The following SLC36A4 variants were observed in gnomAD, a reference collection of about 807,000 sequenced individuals.
SLC36A4 encodes the protein neutral amino acid uniporter 4.
A neutral mutation model predicts 50.5 loss-of-function variants in SLC36A4; 49 were observed. That is an observed-to-expected ratio of 0.97 (90% CI 0.77 to 1.23). The LOEUF (loss-of-function observed/expected upper bound fraction) is 1.23, where lower values mean the gene tolerates loss of function less well. Among genes scored for constraint, SLC36A4 ranks in the 50% most tolerant of loss-of-function variants. SLC36A4 has a pLI of 0.00. For synonymous variants in SLC36A4, 207 were observed against 206.5 expected (o/e 1.00, Z -0.02); for missense variants, 611 against 608.4 (o/e 1.00, Z -0.05).
At chr11:93,153,852 C>T (rs894466592) in intron 10 of SLC36A4, 5 of 196,016 alleles carry the variant, frequency 2.6e-5, no homozygotes, top group South Asian at 3.6e-4. Flanking sequence ...ATTTTAATCA[C>T]CAGTAATGTA....
Position 93,154,295 on chromosome 11 carries a change from C to T in SLC36A4, c.1038-18G>A, listed in dbSNP as rs1385810842. The T allele has an allele frequency of 3.9e-6, 5 of 1,273,838 alleles. No homozygotes were observed. Among genetic ancestry groups the T allele is most frequent in the Admixed American group, 5.8e-5 (2 of 34,296 alleles). The allele number at this position is 1,273,838 out of a possible 1,614,324, so 78.9% of individuals were successfully genotyped here. On this transcript the variant is annotated intron_variant, in intron 9 of 10. Transcript: ENST00000326402. ...GATATAACCTGTTGAAAAAAATTTTCAAAATTTAGTCATTTTTAATGTGAA... is the reference window on the plus strand; with the variant it reads ...GATATAACCTGTTGAAAAAAATTTTTAAAATTTAGTCATTTTTAATGTGAA...
chr11:93,191,738 A>G (rs913397672), intron 1 of SLC36A4, among the ~76,000 whole-genome samples: 13 of 152,198 alleles, frequency 8.5e-5, no homozygotes, highest in African/African-American at 2.7e-4. Flanking sequence ...AAAGGATGTC[A>G]AAGACTATGA....
At chr11:93,194,722 C>G (rs1037806950) in intron 1 of SLC36A4, among the ~76,000 whole-genome samples, 19 of 152,168 alleles carry the variant, frequency 1.2e-4, no homozygotes, top group Non-Finnish European at 2.6e-4. Context: ...CACACACATA[C>G]ACACAAACAA....
chr11:93,157,169 C>A (rs567296436), intron 9 of SLC36A4, among the ~76,000 whole-genome samples: 2 of 152,000 alleles, frequency 1.3e-5, no homozygotes, highest in Non-Finnish European at 2.9e-5. Flanking sequence ...TGTGGCCTTA[C>A]TTCTGGGCTC....
Position 93,188,588 on chromosome 11 carries a change from C to T in SLC36A4, c.56-2774G>A, listed in dbSNP as rs1862086593. 2.6e-5 allele frequency among the ~76,000 whole-genome samples: 4 copies of T among 152,106 alleles called. No homozygotes were observed. The South Asian group carries it at 8.3e-4, about 31-fold the overall frequency. ...GTAGGATTTCCTTGTTTCTTGTTTT[C>T]CAGTTTCAAAGGTGGCACGGTCTAG... On this transcript the variant is annotated intron_variant, in intron 1 of 10. Coordinates refer to ENST00000326402, the MANE Select transcript of SLC36A4 (RefSeq NM_152313.4).
intron 1 of SLC36A4, among the ~76,000 whole-genome samples, chr11:93,195,888 C>T (rs1038664264): frequency 1.3e-5 from 2 of 152,114 alleles, no homozygotes; most frequent in African/African-American, 4.8e-5. Flanking sequence ...ACTGCCTAGC[C>T]CCCACCCTCA....
intron 3 of SLC36A4, 133 bp from the exon 4 acceptor site, chr11:93,183,027 G>A: frequency 1.7e-6 from 1 of 604,266 alleles, no homozygotes; most frequent in East Asian, 3.0e-5. Flanking sequence ...CATTGCATAA[G>A]GGAAAACTAA....
At chr11:93,181,138 G>A (rs1861714410) in intron 5 of SLC36A4, among the ~76,000 whole-genome samples, 1 of 151,980 alleles carries the variant, frequency 6.6e-6, no homozygotes, top group South Asian at 2.1e-4. Flanking sequence ...ACAACAGGTA[G>A]CACTTTGCTG....
At position 93,145,556 on chromosome 11, in the gene SLC36A4, G is replaced by A. The variant is rs1352245626; in HGVS notation, c.*2981C>T. 1 of 152,102 alleles carries A rather than the reference G, an allele frequency of 6.6e-6. No homozygotes were observed. Among genetic ancestry groups the A allele is most frequent in the South Asian group, 2.1e-4 (1 of 4,832 alleles). The allele number at this position is 152,102 out of a possible 1,614,324, so 9.4% of individuals were successfully genotyped here. On this transcript the variant is annotated 3_prime_UTR_variant, in exon 11 of 11. Transcript: ENST00000326402. ...ACTCTGATACTGATGAAACTCTTGG[G>A]TGTAAGGGAACAGTGATTAACTGAC...
intron 8 of SLC36A4, among the ~76,000 whole-genome samples, chr11:93,164,763 T>C (rs1860787712): frequency 6.6e-6 from 1 of 152,184 alleles, no homozygotes; most frequent in African/African-American, 2.4e-5. Context: ...GTCTCCTTTA[T>C]GGAATGAATT....
At chr11:93,160,303 C>T (rs1370052116) in intron 9 of SLC36A4, 1 of 985,310 alleles carries the variant, frequency 1.0e-6, no homozygotes, top group African/African-American at 1.7e-5. Flanking sequence ...AAATATGTGT[C>T]TTGACTGGCT....
intron 1 of SLC36A4, among the ~76,000 whole-genome samples, chr11:93,192,547 C>CT (rs1013435905): frequency 2.0e-5 from 3 of 151,856 alleles, no homozygotes; most frequent in African/African-American, 7.3e-5. Context: ...TTTGTAGTAA[C>CT]TTTTTTACAA....
chr11:93,166,043 C>A lies in SLC36A4; in HGVS notation c.769-27G>T, dbSNP rs779845615. On this transcript the variant is annotated intron_variant, in intron 7 of 10. Coordinates refer to ENST00000326402, the MANE Select transcript of SLC36A4 (RefSeq NM_152313.4). The stretch of plus-strand genomic sequence containing the variant: ...TAAAGAAAGGAAGAAAAAAAGAAGA[C>A]CAGTTACATCTTTACTTATTCTAAA... 1.4e-5 allele frequency: 21 copies of A among 1,509,478 alleles called. No individual in the cohort carries two copies. The African/African-American group carries it at 2.5e-4, about 18-fold the overall frequency. The allele number at this position is 1,509,478 out of a possible 1,614,324, so 93.5% of individuals were successfully genotyped here.
intron 7 of SLC36A4, 37 bp from the exon 8 acceptor site, chr11:93,166,053 C>G: frequency 6.8e-7 from 1 of 1,476,576 alleles, no homozygotes; most frequent in African/African-American, 1.4e-5. Flanking sequence ...CCAGTTACAT[C>G]TTTACTTATT....
chr11:93,189,119 A>G (rs1157405026), intron 1 of SLC36A4, among the ~76,000 whole-genome samples: 1 of 151,350 alleles, frequency 6.6e-6, no homozygotes, highest in Non-Finnish European at 1.5e-5. Flanking sequence ...CTGGAGTACA[A>G]TGGTGCGATC....
At chr11:93,181,237 C>T (rs1342949406) in intron 5 of SLC36A4, among the ~76,000 whole-genome samples, 1 of 151,974 alleles carries the variant, frequency 6.6e-6, no homozygotes, top group Non-Finnish European at 1.5e-5. Context: ...ATTTAAGTAA[C>T]AAGACAATAA....
At chr11:93,169,102 C>A (rs752453522) in intron 6 of SLC36A4, among the ~76,000 whole-genome samples, 1 of 152,020 alleles carries the variant, frequency 6.6e-6, no homozygotes, top group Non-Finnish European at 1.5e-5. Context: ...TCTCTGGATA[C>A]ACACACTCTA....
chr11:93,189,009 A>G (rs983371564), intron 1 of SLC36A4, among the ~76,000 whole-genome samples: 5 of 151,546 alleles, frequency 3.3e-5, no homozygotes, highest in Admixed American at 1.3e-4. Flanking sequence ...TCCCCTTTTT[A>G]TAAGGACACC....
intron 1 of SLC36A4, among the ~76,000 whole-genome samples, chr11:93,187,393 T>C (rs950457564): frequency 6.6e-6 from 1 of 152,210 alleles, no homozygotes; most frequent in Non-Finnish European, 1.5e-5. Flanking sequence ...TAAAGTTTTC[T>C]TGGATAATAG....
Sources: allele counts gnomAD v4.1 joint callset (sites outside exome capture counted in the v4.1 genomes callset), GRCh38; gene constraint gnomAD v4.1.1; transcripts MANE v1.5; gene names NCBI Gene and HGNC (gene_info 2026-07-23, HGNC 2026-07-21).